The following OTUD7B variants were observed in gnomAD, a reference collection of about 807,000 sequenced individuals.
OTUD7B encodes the protein OTU domain-containing protein 7B.
In OTUD7B, 34 loss-of-function variants were observed where a neutral mutation model predicts 82.2. That is an observed-to-expected ratio of 0.41 (90% CI 0.31 to 0.55). The LOEUF (loss-of-function observed/expected upper bound fraction) is 0.55, where lower values mean the gene tolerates loss of function less well. Among genes scored for constraint, OTUD7B ranks in the 20% least tolerant of loss-of-function variants. The pLI is 0.20. For synonymous variants in OTUD7B, 398 were observed against 402.7 expected, an observed-to-expected ratio of 0.99 and a Z score of 0.14; for missense variants, 944 against 1,062.1, an observed-to-expected ratio of 0.89 and a Z score of 1.55.
chr1:150,056,415 T>G, the OTUD7B span, among the ~76,000 whole-genome samples: 2 of 152,196 alleles, frequency 1.3e-5, no homozygotes, highest in African/African-American at 4.8e-5. Context: ...ATTTTTATAT[T>G]CCATTTGTTG....
chr1:149,958,322 CTTTTTTTTTTTT>C (rs34299927), intron 7 of OTUD7B, among the ~76,000 whole-genome samples: 9 of 86,398 alleles, frequency 1.0e-4, no homozygotes, highest in Admixed American at 7.5e-4. Flanking sequence ...AAAGGACTAC[CTTTTTTTTTTTT>C]TTTTTTTTTT....
chr1:149,945,206 G>A, intron 11 of OTUD7B, 141 bp from the exon 12 acceptor site: 1 of 1,147,418 alleles, frequency 8.7e-7, no homozygotes, highest in Non-Finnish European at 1.2e-6. Flanking sequence ...AGAAAAGGAT[G>A]GACACCTATG....
At chr1:150,015,156 C>T (rs1653229266), upstream of OTUD7B, among the ~76,000 whole-genome samples, 1 of 152,084 alleles carries the variant, frequency 6.6e-6, no homozygotes, top group African/African-American at 2.4e-5. Context: ...CAAATGAAAG[C>T]ATTGCTTTGG....
At chr1:150,027,196 G>C in the OTUD7B span, among the ~76,000 whole-genome samples, 21 of 152,142 alleles carry the variant, frequency 1.4e-4, no homozygotes, top group Admixed American at 5.9e-4. Context: ...CTAGGCTCTA[G>C]GGATATAAGA....
the OTUD7B span, among the ~76,000 whole-genome samples, chr1:150,028,606 C>T: frequency 2.0e-5 from 3 of 152,134 alleles, no homozygotes; most frequent in African/African-American, 7.2e-5. Context: ...CTCCATTCTC[C>T]CTGTTCCCCC....
the OTUD7B span, among the ~76,000 whole-genome samples, chr1:150,059,592 A>G: frequency 6.7e-6 from 1 of 148,292 alleles, no homozygotes; most frequent in Non-Finnish European, 1.5e-5. Context: ...TCGGTCTTAA[A>G]CTCCCAACCT....
intron 1 of OTUD7B, among the ~76,000 whole-genome samples, chr1:149,999,744 T>C (rs1652152652): frequency 6.6e-6 from 1 of 152,234 alleles, no homozygotes; most frequent in African/African-American, 2.4e-5. Context: ...AGCATCATTG[T>C]ATTTTCCCAC....
intron 4 of OTUD7B, among the ~76,000 whole-genome samples, chr1:149,966,750 TAGA>T (rs1352520728): frequency 1.3e-5 from 2 of 152,310 alleles, no homozygotes; most frequent in Non-Finnish European, 2.9e-5. Flanking sequence ...ATGGTTAATA[TAGA>T]AGGTTACAAA....
chr1:149,940,383 C>G lies in OTUD7B; in HGVS notation c.*3474G>C, dbSNP rs2092753284. 1 of 152,100 alleles carries G rather than the reference C, an allele frequency of 6.6e-6. No individual in the cohort carries two copies. Among genetic ancestry groups the G allele is most frequent in the Admixed American group, 6.5e-5 (1 of 15,274 alleles). 9.4% of individuals were successfully genotyped at this position (152,100 alleles called of 1,614,324 possible). ...GATAAAAACCAGTATGGAGGAAAAACTTCTGGTTAAATCTTGTAACTTTCA... is the reference window on the plus strand; with the variant it reads ...GATAAAAACCAGTATGGAGGAAAAAGTTCTGGTTAAATCTTGTAACTTTCA... On this transcript the variant is annotated 3_prime_UTR_variant, in exon 12 of 12. Transcript: ENST00000581312.
rs964791196 is a variant in OTUD7B at position 149,971,082 on chromosome 1, C to A, written c.255G>T (p.Arg85=). The change falls in exon 3 of 12, where the codon CGG becomes CGT. Residue 85 remains arginine (R), a synonymous_variant. Transcript: ENST00000581312. ...PTRPPRPILQ[R]QDDIVQEKRL... is the part of the protein sequence containing the mutation. ...CAGTACCTTGAACGATGTCATCCTG[C>A]CGCTGGAGGATGGGTCGGGGAGGGC... The A allele has an allele frequency of 6.2e-7, 1 of 1,608,098 alleles. No homozygotes were observed.
rs587732832 is a variant in OTUD7B at position 149,957,913 on chromosome 1, G to A, written c.845+1771C>T. ...GGCAGTATTAGGGTGGGAATGTCCC[G>A]ATTTTCCAGGTACCGTCTGTCACGG... On this transcript the variant is annotated intron_variant, in intron 7 of 11. Transcript: ENST00000581312. Among the ~76,000 whole-genome samples the A allele has an allele frequency of 9.6e-4, 147 of 152,342 alleles. 1 individual carries two copies. The highest frequency in any genetic ancestry group is 6.8e-3 in the Middle Eastern group (2 of 294).
At chr1:149,974,581 A>C (rs1158321583) in intron 2 of OTUD7B, among the ~76,000 whole-genome samples, 2 of 106,434 alleles carry the variant, frequency 1.9e-5, no homozygotes, top group Non-Finnish European at 1.7e-5. Context: ...ACAGAGTCTC[A>C]CTCTGTCACC....
intron 6 of OTUD7B, 45 bp downstream of exon 6, chr1:149,964,177 T>C: frequency 6.2e-7 from 1 of 1,602,770 alleles, no homozygotes; most frequent in Non-Finnish European, 8.5e-7. Flanking sequence ...CTTTGGCAGC[T>C]TGGTAACTTT....
chr1:150,066,110 TG>T, the OTUD7B span, among the ~76,000 whole-genome samples: 4 of 152,072 alleles, frequency 2.6e-5, no homozygotes, highest in Non-Finnish European at 5.9e-5. The surrounding 1 kb of genome is among the most constrained non-coding windows in gnomAD (Gnocchi z 4.6). Context: ...GCACAGAAAA[TG>T]GGGAAAAATC....
the OTUD7B span, among the ~76,000 whole-genome samples, chr1:150,030,206 T>C: frequency 1.3e-5 from 2 of 152,198 alleles, no homozygotes; most frequent in African/African-American, 4.8e-5. Flanking sequence ...ATCACCTTGC[T>C]CCTTCTCAAA....
At chr1:149,982,457 A>G (rs1650822074) in intron 1 of OTUD7B, among the ~76,000 whole-genome samples, 1 of 152,044 alleles carries the variant, frequency 6.6e-6, no homozygotes, top group Admixed American at 6.6e-5. Flanking sequence ...CCTGCCTTAT[A>G]TAACTTTATT....
chr1:150,018,539 A>C, the OTUD7B span, among the ~76,000 whole-genome samples: 1 of 152,148 alleles, frequency 6.6e-6, no homozygotes, highest in African/African-American at 2.4e-5. Flanking sequence ...CTATATGAGC[A>C]AAAAATACTC....
chr1:150,052,298 C>T, the OTUD7B span, among the ~76,000 whole-genome samples: 1 of 152,154 alleles, frequency 6.6e-6, no homozygotes, highest in African/African-American at 2.4e-5. Flanking sequence ...AAAGCTCCTT[C>T]AGCTGATAAC....
chr1:149,987,419 T>C (rs1571698986), intron 1 of OTUD7B, among the ~76,000 whole-genome samples: 1 of 152,360 alleles, frequency 6.6e-6, no homozygotes, highest in East Asian at 1.9e-4. Flanking sequence ...TTAAGGGCTG[T>C]GTAATCATAG....
Sources: gnomAD v4.1 joint callset for allele counts (sites outside exome capture counted in the v4.1 genomes callset) on GRCh38, gnomAD v4.1.1 for gene constraint, Gnocchi (gnomAD v3.1) non-coding constraint, MANE v1.5 for transcripts, NCBI Gene and HGNC (gene_info 2026-07-23, HGNC 2026-07-21) for gene names.